SLC24A4: variants seen among roughly 807,000 people sequenced by gnomAD.
The protein encoded by SLC24A4 is sodium/potassium/calcium exchanger 4.
SLC24A4 carries 53 observed loss-of-function variants against 79.0 expected under a neutral mutation model. The ratio of observed to expected loss-of-function variants is 0.67; its 90% CI spans 0.54 to 0.84. The LOEUF is 0.84. SLC24A4 is among the 40% of genes least tolerant of loss of function. The probability of loss-of-function intolerance (pLI) is 0.00; values close to 1 mark genes in which losing one functional copy is unlikely to be tolerated. For synonymous variants in SLC24A4, 323 were observed against 323.8 expected (o/e 1.00, Z 0.03); for missense variants, 731 against 822.0 (o/e 0.89, Z 1.35).
At chr14:92,348,440 T>C (rs866351293) in intron 2 of SLC24A4, among the ~76,000 whole-genome samples, 4 of 152,250 alleles carry the variant, frequency 2.6e-5, no homozygotes, top group African/African-American at 4.8e-5. Flanking sequence ...ACTCTGCCGA[T>C]GCAGGGTGAC....
At chr14:92,387,837 C>T (rs1566732384) in intron 2 of SLC24A4, among the ~76,000 whole-genome samples, 1 of 152,244 alleles carries the variant, frequency 6.6e-6, no homozygotes, top group Non-Finnish European at 1.5e-5. Flanking sequence ...CAGCGTATTT[C>T]ACTTAGCATG....
intron 2 of SLC24A4, among the ~76,000 whole-genome samples, chr14:92,330,229 G>A (rs1016994835): frequency 6.6e-6 from 1 of 152,190 alleles, no homozygotes; most frequent in Non-Finnish European, 1.5e-5. Flanking sequence ...TGGACACTTG[G>A]TAGGTGTTCA....
intron 2 of SLC24A4, among the ~76,000 whole-genome samples, chr14:92,340,770 C>G (rs890581236): frequency 1.3e-5 from 2 of 152,110 alleles, no homozygotes; most frequent in Non-Finnish European, 2.9e-5. Flanking sequence ...TTCTGCGCTC[C>G]CTCCACACAT....
chr14:92,456,767 G>A (rs995327879), intron 12 of SLC24A4, among the ~76,000 whole-genome samples, 159 bp downstream of exon 12: 1 of 152,230 alleles, frequency 6.6e-6, no homozygotes, highest in African/African-American at 2.4e-5. Flanking sequence ...AGGCGAATCT[G>A]TCCTCAGTAC....
intron 12 of SLC24A4, among the ~76,000 whole-genome samples, chr14:92,474,935 T>A (rs1434694631): frequency 6.7e-6 from 1 of 148,156 alleles, no homozygotes; most frequent in Non-Finnish European, 1.5e-5. Flanking sequence ...TGACCTCAAG[T>A]GATCCACCCA....
At chr14:92,351,238 A>ACG (rs1555360942) in intron 2 of SLC24A4, among the ~76,000 whole-genome samples, 1 of 123,836 alleles carries the variant, frequency 8.1e-6, no homozygotes, top group African/African-American at 2.8e-5. Context: ...ACATACACGC[A>ACG]CACACACACA....
chr14:92,385,988 C>T (rs971981222), intron 2 of SLC24A4, among the ~76,000 whole-genome samples: 8 of 152,142 alleles, frequency 5.3e-5, no homozygotes, highest in African/African-American at 1.2e-4. Flanking sequence ...ATGGCTCGAT[C>T]GCAGGTTCTG....
intron 2 of SLC24A4, among the ~76,000 whole-genome samples, chr14:92,383,288 C>G (rs934900606): frequency 1.3e-5 from 2 of 152,214 alleles, no homozygotes; most frequent in African/African-American, 4.8e-5. Flanking sequence ...TGTGCCCTCC[C>G]CTCCTGCACA....
chr14:92,469,928 C>A (rs375131815), intron 12 of SLC24A4, among the ~76,000 whole-genome samples: 1 of 152,238 alleles, frequency 6.6e-6, no homozygotes, highest in Middle Eastern at 3.4e-3. Context: ...TGGGAATGAC[C>A]GCTAATGGCT....
At chr14:92,373,379 G>A (rs1356403253) in intron 2 of SLC24A4, among the ~76,000 whole-genome samples, 1 of 152,092 alleles carries the variant, frequency 6.6e-6, no homozygotes, top group East Asian at 1.9e-4. Context: ...GGAGGCCCCG[G>A]AAGGAGAATA....
chr14:92,450,013 T>C (rs1331196569), intron 10 of SLC24A4, among the ~76,000 whole-genome samples: 1 of 152,240 alleles, frequency 6.6e-6, no homozygotes, highest in East Asian at 1.9e-4. Context: ...GAGCGTTCAC[T>C]CTAGCCCAGA....
chr14:92,361,747 G>A (rs530689038), intron 2 of SLC24A4, among the ~76,000 whole-genome samples: 5 of 152,276 alleles, frequency 3.3e-5, no homozygotes, highest in African/African-American at 1.2e-4. Context: ...TGAGTGGGGT[G>A]TTTGGGTGGG....
intron 2 of SLC24A4, among the ~76,000 whole-genome samples, chr14:92,360,703 C>T (rs1372114793): frequency 6.6e-6 from 1 of 152,198 alleles, no homozygotes; most frequent in African/African-American, 2.4e-5. Context: ...CTCTTAATTG[C>T]ACAAAGAAGA....
Position 92,492,182 on chromosome 14 carries a change from T to C in SLC24A4, c.1658T>C (p.Ile553Thr). Residue 553 changes from isoleucine (I) to threonine (T), a missense_variant, in exon 16 of 17, where the codon ATC becomes ACC. Transcript: ENST00000532405. ...MVVNYGSTVK[I>T]NSRGLVYSVV... ...GTGTGTTTGATTTTCCAGGTGAAGA[T>C]CAACAGCCGGGGGCTGGTCTATTCC... The C allele has an allele frequency of 3.7e-6, 6 of 1,614,042 alleles. No individual in the cohort carries two copies. Among genetic ancestry groups the C allele is most frequent in the Non-Finnish European group, 3.4e-6 (4 of 1,179,972 alleles).
At chr14:92,435,141 C>T (rs1892097708) in intron 3 of SLC24A4, among the ~76,000 whole-genome samples, 1 of 152,188 alleles carries the variant, frequency 6.6e-6, no homozygotes, top group Non-Finnish European at 1.5e-5. Context: ...CTAGGAGCAT[C>T]TGTAGTTTAA....
chr14:92,449,322 A>ACACC, intron 10 of SLC24A4, 106 bp downstream of exon 10: 1 of 1,031,202 alleles, frequency 9.7e-7, no homozygotes, highest in Non-Finnish European at 1.3e-6. Flanking sequence ...ACACACACAC[A>ACACC]CCCTCTCACA....
At chr14:92,343,642 C>CCTTCCTTCCTTCCTTCCT (rs1886324683) in intron 2 of SLC24A4, among the ~76,000 whole-genome samples, 2 of 46,348 alleles carry the variant, frequency 4.3e-5, no homozygotes, top group Admixed American at 2.4e-4. Context: ...CTTTCTTTCT[C>CCTTCCTTCCTTCCTTCCT]TCTTTCCTTC....
At position 92,453,932 on chromosome 14, in the gene SLC24A4, G is replaced by A. The variant is rs773535922; in HGVS notation, c.913G>A (p.Val305Met). 1.2e-5 allele frequency: 19 copies of A among 1,613,158 alleles called. No individual in the cohort carries two copies. In the Middle Eastern group the frequency reaches 4.9e-4, roughly 42 times the overall value. ...GAAGCCACAGTATGGCAAGAACCCC[G>A]TGGTGATGGTGGACGAGATTATGAG... ...KEKPQYGKNP[V>M]VMVDEIMSSS... The change falls in exon 11 of 17, where the codon GTG becomes ATG. Residue 305 changes from valine to methionine, a missense_variant. Transcript: ENST00000532405.
chr14:92,483,285 T>A (rs1204419601), intron 13 of SLC24A4, among the ~76,000 whole-genome samples: 1 of 152,206 alleles, frequency 6.6e-6, no homozygotes, highest in African/African-American at 2.4e-5. Context: ...CCCACTGATG[T>A]GCTGGTGCTG....
Sources: gnomAD v4.1 joint callset for allele counts (sites outside exome capture counted in the v4.1 genomes callset) on GRCh38, gnomAD v4.1.1 for gene constraint, MANE v1.5 for transcripts, NCBI Gene and HGNC (gene_info 2026-07-23, HGNC 2026-07-21) for gene names.